Variants in EML6 observed in about 807,000 individuals in gnomAD.
EML6 encodes echinoderm microtubule-associated protein-like 6.
A neutral mutation model predicts 240.1 loss-of-function variants in EML6; 154 were observed. The ratio of observed to expected loss-of-function variants is 0.64; its 90% CI spans 0.56 to 0.73. The LOEUF is 0.73. Among genes scored for constraint, EML6 ranks in the 30% least tolerant of loss-of-function variants. The pLI, the probability that EML6 is intolerant of heterozygous loss-of-function variation, is 0.00. For synonymous variants in EML6, 1,148 were observed against 899.0 expected, an observed-to-expected ratio of 1.28 and a Z score of -4.95; for missense variants, 2,964 against 2,474.6, an observed-to-expected ratio of 1.20 and a Z score of -4.20.
intron 2 of EML6, among the ~76,000 whole-genome samples, chr2:54,809,445 A>G (rs981692049): frequency 5.3e-5 from 8 of 152,220 alleles, no homozygotes; most frequent in African/African-American, 1.9e-4. Flanking sequence ...TTCAGGGGAC[A>G]GGGTTCTTTG....
chr2:54,879,691 A>G (rs938862933), intron 17 of EML6, 51 bp downstream of exon 17: 5 of 1,071,790 alleles, frequency 4.7e-6, no homozygotes, highest in Non-Finnish European at 7.0e-6. Flanking sequence ...ACGGTTCAGT[A>G]AAGGTCAATA....
At chr2:54,903,237 T>C (rs1573109475) in intron 23 of EML6, 41 bp downstream of exon 23, 1 of 1,537,130 alleles carries the variant, frequency 6.5e-7, no homozygotes, top group African/African-American at 1.4e-5. Context: ...AGCACAGTCT[T>C]GGGACAAAAA....
At chr2:54,770,384 A>G (rs911795400) in intron 2 of EML6, among the ~76,000 whole-genome samples, 5 of 152,188 alleles carry the variant, frequency 3.3e-5, no homozygotes, top group African/African-American at 9.7e-5. Flanking sequence ...GTTCTGTTCC[A>G]TGGTTCCTCA....
intron 26 of EML6, among the ~76,000 whole-genome samples, chr2:54,921,182 G>A (rs1453493025): frequency 1.3e-5 from 2 of 151,990 alleles, no homozygotes. Context: ...CTCTATTTAT[G>A]TACAACATGA....
At chr2:54,953,133 T>A (rs1047918463) in intron 31 of EML6, among the ~76,000 whole-genome samples, 1 of 152,174 alleles carries the variant, frequency 6.6e-6, no homozygotes, top group Non-Finnish European at 1.5e-5. Flanking sequence ...TCTCGAGCAA[T>A]TTTTACAACT....
In EML6 at chr2:54,839,385, T is replaced by G. The variant is rs76345543; in HGVS notation, c.848-4662T>G. 7.1e-3 allele frequency among the ~76,000 whole-genome samples: 1,085 copies of G among 152,352 alleles called. 6 individuals are homozygous for G. The highest frequency in any genetic ancestry group is 0.012 in the Non-Finnish European group (817 of 68,032). On this transcript the variant is annotated intron_variant, in intron 7 of 41. Coordinates refer to ENST00000356458, the MANE Select transcript of EML6 (RefSeq NM_001039753.4). ...GGAATGAGAGTGACCTGGTATTGTA[T>G]CTATTGCCTGGTGGACAGACGCCAT...
At chr2:54,791,253 G>C (rs544197008) in intron 2 of EML6, among the ~76,000 whole-genome samples, 1 of 152,254 alleles carries the variant, frequency 6.6e-6, no homozygotes, top group African/African-American at 2.4e-5. Flanking sequence ...GGGAAGTGAC[G>C]GCACAGTTAC....
intron 2 of EML6, among the ~76,000 whole-genome samples, chr2:54,812,827 G>C (rs1236503280): frequency 6.6e-6 from 1 of 151,890 alleles, no homozygotes; most frequent in Non-Finnish European, 1.5e-5. Flanking sequence ...TTAATTCCAA[G>C]AAGAGAACCT....
At position 54,916,890 on chromosome 2, in the gene EML6, C is replaced by T. The variant is rs893422909; in HGVS notation, c.3630C>T (p.Thr1210=). 8.4e-6 allele frequency: 13 copies of T among 1,548,232 alleles called. No homozygotes were observed. Among genetic ancestry groups the T allele is most frequent in the South Asian group, 1.2e-5 (1 of 83,872 alleles). The part of the protein sequence containing the change: ...SLTKDCSLLA[T]GDDFGFVKLF... The stretch of plus-strand genomic sequence containing the variant: ...CCAAAGACTGTTCCCTTTTAGCCAC[C>T]GGAGATGATTTTGGTTTCGTTAAGC... Residue 1210 remains threonine, a synonymous_variant, in exon 26 of 42, where the codon ACC becomes ACT. Transcript: ENST00000356458.
At chr2:54,884,198 C>T (rs1279062549) in intron 17 of EML6, among the ~76,000 whole-genome samples, 6 of 152,132 alleles carry the variant, frequency 3.9e-5, no homozygotes, top group Admixed American at 6.5e-5. Context: ...TCAGAGAACT[C>T]GGACATACTT....
At chr2:54,744,137 T>TG (rs1168782628) in intron 2 of EML6, among the ~76,000 whole-genome samples, 5 of 105,372 alleles carry the variant, frequency 4.7e-5, no homozygotes, top group Non-Finnish European at 9.7e-5. Flanking sequence ...TTGTGGGGGG[T>TG]GGGGGGAATC....
At chr2:54,916,964 T>C (rs1471298928) in intron 26 of EML6, 29 bp downstream of exon 26, 2 of 1,490,998 alleles carry the variant, frequency 1.3e-6, no homozygotes, top group African/African-American at 2.8e-5. Flanking sequence ...TATCTTTACT[T>C]GCTCAGTCTC....
chr2:54,939,793 T>C (rs977623111), intron 28 of EML6, among the ~76,000 whole-genome samples: 2 of 152,164 alleles, frequency 1.3e-5, no homozygotes, highest in African/African-American at 4.8e-5. Context: ...TAGGGGTGTG[T>C]CCCAAGTGGA....
intron 2 of EML6, among the ~76,000 whole-genome samples, chr2:54,759,885 A>T (rs1046804722): frequency 2.7e-5 from 4 of 150,124 alleles, no homozygotes; most frequent in Admixed American, 6.7e-5. Context: ...TATATATATA[A>T]AATCTTTGTT....
At chr2:54,876,409 G>T (rs992484126) in intron 16 of EML6, among the ~76,000 whole-genome samples, 5 of 152,128 alleles carry the variant, frequency 3.3e-5, no homozygotes, top group African/African-American at 1.2e-4. Flanking sequence ...CCCACAATCA[G>T]AATACCTTTT....
intron 9 of EML6, 74 bp from the exon 10 acceptor site, chr2:54,849,888 G>GAC (rs1669979088): frequency 1.6e-6 from 2 of 1,230,176 alleles, no homozygotes; most frequent in Admixed American, 4.6e-5. Flanking sequence ...TTCTTTTTCT[G>GAC]ACACATATAT....
intron 41 of EML6, 81 bp downstream of exon 41, chr2:54,968,849 C>T (rs1439462166): frequency 4.0e-6 from 3 of 755,876 alleles, no homozygotes; most frequent in Non-Finnish European, 6.9e-6. Flanking sequence ...CGTGGGTCAG[C>T]CTCTCCCAGG....
chr2:54,797,179 A>AAAAAAAAAAACAAAAAAAAAAAC (rs1558557002), intron 2 of EML6, among the ~76,000 whole-genome samples: 3 of 146,906 alleles, frequency 2.0e-5, no homozygotes, highest in Non-Finnish European at 4.6e-5. Flanking sequence ...AAAAAAAAAA[A>AAAAAAAAAAACAAAAAAAAAAAC]AAAAAAAAAA....
intron 2 of EML6, among the ~76,000 whole-genome samples, chr2:54,745,608 C>G (rs184015150): frequency 1.8e-4 from 28 of 152,012 alleles, no homozygotes. Context: ...AAGACTCCGC[C>G]TCTACAAAAA....
Sources: allele counts gnomAD v4.1 joint callset (sites outside exome capture counted in the v4.1 genomes callset), GRCh38; gene constraint gnomAD v4.1.1; transcripts MANE v1.5; gene names NCBI Gene and HGNC (gene_info 2026-07-23, HGNC 2026-07-21).